Variants in ZNF500 observed in about 807,000 individuals in gnomAD.
ZNF500 encodes zinc finger protein with KRAB and SCAN domains 18.
A neutral mutation model predicts 30.1 loss-of-function variants in ZNF500; 31 were observed. The ratio of observed to expected loss-of-function variants is 1.03; its 90% CI spans 0.77 to 1.39. ZNF500 has a LOEUF of 1.39. ZNF500 is among the 40% of genes most tolerant of loss of function. The pLI, the probability that ZNF500 is intolerant of heterozygous loss-of-function variation, is 0.00. For missense variants in ZNF500, 817 were observed against 657.8 expected (o/e 1.24, Z -2.65); for synonymous variants, 392 against 282.0 (o/e 1.39, Z -3.91).
Position 4,760,556 on chromosome 16 carries a change from G to T in ZNF500, c.696C>A (p.Tyr232Ter). 3 of 1,613,606 alleles carry T rather than the reference G, an allele frequency of 1.9e-6. No homozygotes were observed. The highest frequency in any genetic ancestry group is 2.5e-6 in the Non-Finnish European group (3 of 1,179,764). ...TGCATCTTGGCTCCTCCCCAGAAAG[G>T]TATACAGCCACGTCCTCCAAGTTCA... ...VPVNLEDVAV[Y>*]LSGEEPRCMD... The change falls in exon 5 of 6, where the codon TAC becomes TAA. Residue 232 changes from tyrosine (Y) to a stop codon, truncating the protein, a stop_gained. Transcript: ENST00000219478. LOFTEE classifies it high-confidence loss of function.
chr16:4,766,524 G>C (rs1286831832), intron 1 of ZNF500, among the ~76,000 whole-genome samples: 3 of 152,208 alleles, frequency 2.0e-5, no homozygotes, highest in Non-Finnish European at 4.4e-5. Context: ...GGGAGGCTGA[G>C]ACAGGAGAAT....
intron 5 of ZNF500, among the ~76,000 whole-genome samples, chr16:4,759,169 C>T (rs969444126): frequency 2.3e-4 from 34 of 150,916 alleles, no homozygotes; most frequent in African/African-American, 6.6e-4. Flanking sequence ...GAGCTGAGAT[C>T]GTGCCACTCC....
intron 4 of ZNF500, 125 bp from the exon 5 acceptor site, chr16:4,760,713 G>T: frequency 1.3e-6 from 1 of 772,130 alleles, no homozygotes; most frequent in Non-Finnish European, 2.1e-6. Context: ...TGGTGGTGCA[G>T]CTGGTCTTCT....
At position 4,752,886 on chromosome 16, in the gene ZNF500, G is replaced by C. The variant is rs1172560388; in HGVS notation, c.933C>G (p.Pro311=). ...LVRPDQPRGG[P]PPGRRASHGA... Reference sequence around the variant, plus strand: ...CATGGGAAGCCCGTCTTCCTGGTGGGGGGCCGCCTCTTGGCTGATCAGGCC... The same window carrying C: ...CATGGGAAGCCCGTCTTCCTGGTGGCGGGCCGCCTCTTGGCTGATCAGGCC... The change falls in exon 6 of 6, where the codon CCC becomes CCG. Residue 311 remains proline, a synonymous_variant. Transcript: ENST00000219478. 2 of 1,614,096 alleles carry C rather than the reference G, an allele frequency of 1.2e-6. No individual in the cohort carries two copies. The highest frequency in any genetic ancestry group is 2.2e-5 in the East Asian group (1 of 44,878).
At chr16:4,747,435 C>A (rs375845445), downstream of ZNF500, 1 of 1,613,028 alleles carries the variant, frequency 6.2e-7, no homozygotes, top group East Asian at 2.2e-5. Flanking sequence ...AAGGGGCCCG[C>A]GGGTGGGAGG....
chr16:4,760,205 C>T (rs1324614622), intron 5 of ZNF500, among the ~76,000 whole-genome samples: 2 of 152,154 alleles, frequency 1.3e-5, no homozygotes, highest in Non-Finnish European at 2.9e-5. Flanking sequence ...GTGGGAGCAG[C>T]TCTGCCCTTG....
chr16:4,765,262 C>T (rs749710205), intron 2 of ZNF500, among the ~76,000 whole-genome samples: 1 of 152,006 alleles, frequency 6.6e-6, no homozygotes, highest in Admixed American at 6.6e-5. Flanking sequence ...GATCACACCA[C>T]CATAGCCTGG....
In ZNF500 at chr16:4,751,601, C is replaced by T. The variant is rs1316052826; in HGVS notation, c.*775G>A. ...GGGAAGGCTGGGGTACAGCAGGGCT[C>T]CCTGCAGCAGACGAGGGGTCCCTCA... is the stretch of plus-strand genomic sequence containing the variant. On this transcript the variant is annotated 3_prime_UTR_variant, in exon 6 of 6. Coordinates refer to ENST00000219478, the MANE Select transcript of ZNF500 (RefSeq NM_021646.4). 4 of 1,535,216 alleles carry T rather than the reference C, an allele frequency of 2.6e-6. No individual in the cohort carries two copies. Among genetic ancestry groups the T allele is most frequent in the South Asian group, 1.2e-5 (1 of 84,038 alleles).
At chr16:4,747,368 C>T (rs901686269), downstream of ZNF500, 8 of 1,592,604 alleles carry the variant, frequency 5.0e-6, no homozygotes, top group Non-Finnish European at 6.9e-6. Flanking sequence ...AAGCCAGCTT[C>T]TCCAGCAGCT....
intron 1 of ZNF500, 92 bp from the exon 2 acceptor site, chr16:4,766,168 G>T: frequency 1.9e-6 from 1 of 527,194 alleles, no homozygotes; most frequent in Non-Finnish European, 3.2e-6. Flanking sequence ...TCCAAGGCCA[G>T]CTCACCCCAC....
downstream of ZNF500, chr16:4,744,866 T>A: frequency 6.2e-7 from 1 of 1,611,194 alleles, no homozygotes. Flanking sequence ...TTGGCCATCC[T>A]CAGACCGCAT....
chr16:4,745,108 G>A (rs2081997899), downstream of ZNF500: 2 of 1,435,512 alleles, frequency 1.4e-6, no homozygotes, highest in African/African-American at 2.8e-5. Flanking sequence ...GGCACTCCAT[G>A]TGCATTTTCT....
chr16:4,766,800 C>G (rs151051822), intron 1 of ZNF500: 38 of 152,360 alleles, frequency 2.5e-4, no homozygotes, highest in African/African-American at 8.4e-4. Flanking sequence ...AGCCCCTACG[C>G]GGCCCCGTCA....
chr16:4,764,308 T>G (rs1475624325), intron 2 of ZNF500, among the ~76,000 whole-genome samples: 1 of 150,360 alleles, frequency 6.7e-6, no homozygotes, highest in African/African-American at 2.5e-5. Context: ...GGCAGATCAC[T>G]TGAGGCCAGG....
At chr16:4,755,479 G>C (rs2082126560) in intron 5 of ZNF500, among the ~76,000 whole-genome samples, 1 of 151,932 alleles carries the variant, frequency 6.6e-6, no homozygotes, top group Non-Finnish European at 1.5e-5. Flanking sequence ...ACCACACCCA[G>C]CCAATTTTTG....
At position 4,760,107 on chromosome 16, in the gene ZNF500, C is replaced by T. The variant is rs540554687; in HGVS notation, c.760+385G>A. 3.9e-5 allele frequency among the ~76,000 whole-genome samples: 6 copies of T among 152,234 alleles called. No individual in the cohort carries two copies. In the South Asian group the frequency reaches 8.3e-4, roughly 21 times the overall value. ...ATCAGGAAAGGCAGGAAGAGACAAA[C>T]GGACAGAGAAAGAGCTTAGGGGACG... On this transcript the variant is annotated intron_variant, in intron 5 of 5. Coordinates refer to ENST00000219478, the MANE Select transcript of ZNF500 (RefSeq NM_021646.4).
downstream of ZNF500, among the ~76,000 whole-genome samples, chr16:4,745,606 C>T (rs2082004791): frequency 6.6e-6 from 1 of 152,184 alleles, no homozygotes; most frequent in African/African-American, 2.4e-5. Context: ...TCCCTTTTCA[C>T]CTGACCAGCA....
At chr16:4,764,160 C>T in intron 2 of ZNF500, 2 of 897,212 alleles carry the variant, frequency 2.2e-6, no homozygotes, top group South Asian at 5.1e-5. Context: ...CCATCCAGTA[C>T]AGTAGCCACT....
At chr16:4,756,512 C>G (rs946152075) in intron 5 of ZNF500, 1 of 151,422 alleles carries the variant, frequency 6.6e-6, no homozygotes, top group African/African-American at 2.4e-5. Context: ...TTTTTGAGCC[C>G]GGGTAACACA....
Sources: allele counts gnomAD v4.1 joint callset (sites outside exome capture counted in the v4.1 genomes callset), GRCh38; gene constraint gnomAD v4.1.1; transcripts MANE v1.5; gene names NCBI Gene and HGNC (gene_info 2026-07-23, HGNC 2026-07-21).